The following UBAP1L variants were observed in gnomAD, a reference collection of about 807,000 sequenced individuals.
UBAP1L encodes the protein ubiquitin associated protein 1 like, also known as ubiquitin-associated protein 1-like.
Under a neutral mutation model 32.1 loss-of-function variants are expected in UBAP1L, and 32 were observed. That is an observed-to-expected ratio of 1.00 (90% CI 0.75 to 1.34). UBAP1L has a LOEUF of 1.34. UBAP1L is among the 40% of genes most tolerant of loss of function. UBAP1L has a pLI of 0.00. For missense variants in UBAP1L, 516 were observed against 540.5 expected, an observed-to-expected ratio of 0.95 and a Z score of 0.45; for synonymous variants, 243 against 250.2, an observed-to-expected ratio of 0.97 and a Z score of 0.27.
intron 1 of UBAP1L, among the ~76,000 whole-genome samples, chr15:65,112,048 C>T (rs921906254): frequency 1.3e-5 from 2 of 152,150 alleles, no homozygotes; most frequent in Admixed American, 6.5e-5. Flanking sequence ...TCACTAGGTA[C>T]AACATGAGAG....
chr15:65,111,997 G>A (rs970089384), intron 1 of UBAP1L, among the ~76,000 whole-genome samples: 3 of 152,146 alleles, frequency 2.0e-5, no homozygotes, highest in Admixed American at 2.0e-4. Flanking sequence ...TAAAGATATC[G>A]ATATTGCCTA....
chr15:65,111,723 G>C lies in UBAP1L; in HGVS notation c.-174+3427C>G, dbSNP rs544695778. Among the ~76,000 whole-genome samples the C allele has an allele frequency of 2.0e-4, 30 of 151,986 alleles. No individual in the cohort carries two copies. The South Asian group carries it at 4.0e-3, about 20-fold the overall frequency. On this transcript the variant is annotated intron_variant, in intron 1 of 5. Transcript: ENST00000559089. ...TGGTCTCGAACTCCTGATCTCAGGTGATCCACCCGACTTGACTTCCCAAAG... is the reference window on the plus strand; with the variant it reads ...TGGTCTCGAACTCCTGATCTCAGGTCATCCACCCGACTTGACTTCCCAAAG...
intron 3 of UBAP1L, chr15:65,100,615 G>A (rs145454175): frequency 6.6e-6 from 1 of 152,364 alleles, no homozygotes; most frequent in African/African-American, 2.4e-5. Context: ...TCTCCCATGA[G>A]GAAGTACCTC....
chr15:65,092,800 A>G lies in UBAP1L; in HGVS notation c.*297T>C. 1 of 341,584 alleles carries G rather than the reference A, an allele frequency of 2.9e-6. No homozygotes were observed. 21.2% of individuals were successfully genotyped at this position (341,584 alleles called of 1,614,324 possible). On this transcript the variant is annotated 3_prime_UTR_variant, in exon 6 of 6. Transcript: ENST00000559089. ...ATTATTTATTTGTTTTAATTTTCTT[A>G]AAATCAAGGTTACTAATGCACACAG...
At chr15:65,110,646 C>A (rs1411123158) in intron 1 of UBAP1L, among the ~76,000 whole-genome samples, 1 of 145,694 alleles carries the variant, frequency 6.9e-6, no homozygotes, top group Non-Finnish European at 1.5e-5. Context: ...GATGGCACCA[C>A]TGCACTCCAG....
intron 1 of UBAP1L, among the ~76,000 whole-genome samples, chr15:65,107,474 T>C (rs1219717866): frequency 6.6e-6 from 1 of 152,092 alleles, no homozygotes; most frequent in Non-Finnish European, 1.5e-5. Flanking sequence ...CTCACACCTG[T>C]AATCCCAAAT....
chr15:65,107,055 T>C (rs2087321102), intron 1 of UBAP1L, among the ~76,000 whole-genome samples: 1 of 152,150 alleles, frequency 6.6e-6, no homozygotes, highest in South Asian at 2.1e-4. Context: ...AATATAACAC[T>C]GTCAAGTTAA....
At chr15:65,097,456 C>G (rs776254839) in intron 4 of UBAP1L, 1 of 152,200 alleles carries the variant, frequency 6.6e-6, no homozygotes, top group Non-Finnish European at 1.5e-5. Context: ...GGTTCTCACA[C>G]AGAAAATGAG....
chr15:65,103,934 A>C (rs552822112), intron 2 of UBAP1L, among the ~76,000 whole-genome samples: 1 of 152,324 alleles, frequency 6.6e-6, no homozygotes, highest in South Asian at 2.1e-4. Flanking sequence ...TTTTGGAACT[A>C]TGCAAGATGA....
Position 65,102,727 on chromosome 15 carries a change from C to A in UBAP1L, c.121-43G>T. The stretch of plus-strand genomic sequence containing the variant: ...CGTAAAGCCCAGGGCAAACCAGGAC[C>A]CCGGGGGCACAACACTAACCCCTGG... On this transcript the variant is annotated intron_variant, in intron 2 of 5. Transcript: ENST00000559089. The surrounding 1 kb of genome is among the most constrained non-coding windows in gnomAD (Gnocchi z 5.0). 1 of 1,522,528 alleles carries A rather than the reference C, an allele frequency of 6.6e-7. No homozygotes were observed. Among genetic ancestry groups the A allele is most frequent in the Admixed American group, 2.0e-5 (1 of 50,244 alleles). 94.3% of individuals were successfully genotyped at this position (1,522,528 alleles called of 1,614,324 possible).
Position 65,094,554 on chromosome 15 carries a change from C to A in UBAP1L, c.932G>T (p.Cys311Phe). The A allele has an allele frequency of 6.4e-7, 1 of 1,551,534 alleles. No individual in the cohort carries two copies. The highest frequency in any genetic ancestry group is 2.4e-5 in the East Asian group (1 of 40,928). ...LSQFLSYLSACDRLLRQGYEE... is the reference protein window; with the variant it reads ...LSQFLSYLSAFDRLLRQGYEE... ...ATATCCCTGACGTAACAGGCGGTCACAGGCACTGAGGTAGCTGAGAAACTG... is the reference window on the plus strand; with the variant it reads ...ATATCCCTGACGTAACAGGCGGTCAAAGGCACTGAGGTAGCTGAGAAACTG... Residue 311 changes from cysteine to phenylalanine, a missense_variant, in exon 5 of 6, where the codon TGT (cysteine) becomes TTT (phenylalanine). Cys to Phe is a radical substitution (Grantham distance 205, BLOSUM62 -2). Coordinates refer to ENST00000559089, the MANE Select transcript of UBAP1L (RefSeq NM_001163692.2). The surrounding 1 kb of genome is among the most constrained non-coding windows in gnomAD (Gnocchi z 4.2).
chr15:65,111,257 T>C (rs1433160613), intron 1 of UBAP1L, among the ~76,000 whole-genome samples: 2 of 152,166 alleles, frequency 1.3e-5, no homozygotes, highest in Non-Finnish European at 2.9e-5. Context: ...CACAGGAAAG[T>C]TCAGCAAGTT....
At chr15:65,107,420 A>G (rs1432264823) in intron 1 of UBAP1L, among the ~76,000 whole-genome samples, 2 of 152,002 alleles carry the variant, frequency 1.3e-5, no homozygotes, top group African/African-American at 4.8e-5. Flanking sequence ...GGACTCTTCT[A>G]AAAATTTTAT....
chr15:65,098,558 G>A (rs574809970), intron 4 of UBAP1L: 1 of 152,272 alleles, frequency 6.6e-6, no homozygotes, highest in African/African-American at 2.4e-5. Flanking sequence ...AGAATGAGGT[G>A]GAAGTGACTA....
intron 1 of UBAP1L, among the ~76,000 whole-genome samples, chr15:65,108,934 A>G (rs1261879456): frequency 1.3e-5 from 2 of 150,890 alleles, no homozygotes; most frequent in Non-Finnish European, 3.0e-5. Context: ...AGGCAGGCAG[A>G]TCGCTTGAGG....
Position 65,102,602 on chromosome 15 carries a change from G to A in UBAP1L, c.203C>T (p.Pro68Leu), listed in dbSNP as rs543213099. The part of the protein sequence containing the change: ...QGPSPYQCGD[P>L]GTASAPPAWL... ...GGCTGGAGGGGCTGACGCTGTCCCCGGGTCACCGCACTGGTACGGGCTGGG... is the reference window on the plus strand; with the variant it reads ...GGCTGGAGGGGCTGACGCTGTCCCCAGGTCACCGCACTGGTACGGGCTGGG... Residue 68 changes from proline to leucine, a missense_variant, in exon 3 of 6, where the codon CCG becomes CTG. Coordinates refer to ENST00000559089, the MANE Select transcript of UBAP1L (RefSeq NM_001163692.2). This position sits in a 1 kb window ranked among gnomAD's most constrained non-coding sequence, Gnocchi z 5.0. The A allele has an allele frequency of 3.5e-4, 536 of 1,549,098 alleles. 2 individuals are homozygous for A. The African/African-American group carries it at 6.1e-3, about 18-fold the overall frequency.
chr15:65,107,430 T>C (rs922727073), intron 1 of UBAP1L, among the ~76,000 whole-genome samples: 1 of 151,844 alleles, frequency 6.6e-6, no homozygotes, highest in African/African-American at 2.4e-5. Flanking sequence ...AAAAATTTTA[T>C]TAGAAATGGA....
chr15:65,103,546 C>T (rs960055858), intron 2 of UBAP1L, among the ~76,000 whole-genome samples: 2 of 152,076 alleles, frequency 1.3e-5, no homozygotes, highest in Admixed American at 6.6e-5. Context: ...AAGAAAGAGG[C>T]TAGGGGTTGG....
chr15:65,110,402 G>A (rs1261602978), intron 1 of UBAP1L, among the ~76,000 whole-genome samples: 2 of 151,330 alleles, frequency 1.3e-5, no homozygotes, highest in African/African-American at 2.4e-5. Flanking sequence ...ACTTGGCCGG[G>A]CGTGGTGGCT....
Sources: allele counts gnomAD v4.1 joint callset (sites outside exome capture counted in the v4.1 genomes callset), GRCh38; gene constraint gnomAD v4.1.1; non-coding constraint Gnocchi (gnomAD v3.1); transcripts MANE v1.5; gene names NCBI Gene and HGNC (gene_info 2026-07-23, HGNC 2026-07-21).